The following TSNARE1 variants were observed in gnomAD, a reference collection of about 807,000 sequenced individuals.
TSNARE1 encodes the protein t-SNARE domain containing 1.
Under a neutral mutation model 62.0 loss-of-function variants are expected in TSNARE1, and 49 were observed. That is an observed-to-expected ratio of 0.79 (90% CI 0.63 to 1.00). TSNARE1 has a LOEUF of 1.00. Among genes scored for constraint, TSNARE1 ranks in the 50% least tolerant of loss-of-function variants. The pLI is 0.00. For synonymous variants in TSNARE1, 328 were observed against 294.4 expected, an observed-to-expected ratio of 1.11 and a Z score of -1.17; for missense variants, 755 against 700.1, an observed-to-expected ratio of 1.08 and a Z score of -0.88.
chr8:142,229,396 T>C lies in TSNARE1; in HGVS notation c.*11+77A>G, dbSNP rs879082641. ...GATGGATGGATGGTGGATGGTTAGA[T>C]GGATGGTGGATAGGTGAATGAATGG... On this transcript the variant is annotated intron_variant, in intron 13 of 13. Transcript: ENST00000524325. The C allele has an allele frequency of 6.0e-6, 7 of 1,172,514 alleles. No homozygotes were observed. In the South Asian group the frequency reaches 8.7e-5, roughly 15 times the overall value. 72.6% of individuals were successfully genotyped at this position (1,172,514 alleles called of 1,614,324 possible).
At position 142,222,707 on chromosome 8, in the gene TSNARE1, C is replaced by CTCACTCATCCACTCACTCACTCAT. The variant is rs1563755856; in HGVS notation, c.*11+6742_*11+6765dup. On this transcript the variant is annotated intron_variant, in intron 13 of 13. Coordinates refer to ENST00000524325, the MANE Select transcript of TSNARE1 (RefSeq NM_145003.5). ...ATCCACTCACTCACTCATCCACTCA[C>CTCACTCATCCACTCACTCACTCAT]TCACTCATCCACTCACTCACTCATC... Among the ~76,000 whole-genome samples the CTCACTCATCCACTCACTCACTCAT allele has an allele frequency of 7.1e-4, 48 of 67,902 alleles. 2 individuals carry two copies. Among genetic ancestry groups the CTCACTCATCCACTCACTCACTCAT allele is most frequent in the East Asian group, 1.5e-3 (5 of 3,344 alleles). The allele number at this position is 67,902 out of a possible 152,430, so 44.5% of individuals were successfully genotyped here.
At chr8:142,349,998 C>A (rs570268049) in intron 2 of TSNARE1, among the ~76,000 whole-genome samples, 2 of 145,212 alleles carry the variant, frequency 1.4e-5, no homozygotes, top group African/African-American at 5.2e-5. Flanking sequence ...CCAGGGCAGG[C>A]AGGGCGGGCA....
intron 11 of TSNARE1, chr8:142,275,496 G>A (rs1052576870): frequency 2.0e-5 from 20 of 985,310 alleles, no homozygotes; most frequent in Non-Finnish European, 2.0e-5. Context: ...GACCAGGGCC[G>A]GGGCAGCCCC....
chr8:142,399,316 C>A (rs573444570), intron 1 of TSNARE1, among the ~76,000 whole-genome samples: 1 of 152,342 alleles, frequency 6.6e-6, no homozygotes, highest in Admixed American at 6.5e-5. Context: ...ACGTCTTCAG[C>A]AAATCCCCAT....
chr8:142,274,361 G>A, intron 12 of TSNARE1: 8 of 985,432 alleles, frequency 8.1e-6, no homozygotes, highest in Non-Finnish European at 9.6e-6. Context: ...AAAGGCCTGA[G>A]CTTTCTTGTT....
intron 1 of TSNARE1, among the ~76,000 whole-genome samples, chr8:142,380,518 C>T (rs1198683306): frequency 6.6e-6 from 1 of 151,922 alleles, no homozygotes; most frequent in African/African-American, 2.4e-5. Flanking sequence ...ACCCCGCCCC[C>T]ACCCCTGCAC....
At chr8:142,398,748 G>T (rs535450314) in intron 1 of TSNARE1, among the ~76,000 whole-genome samples, 1 of 152,200 alleles carries the variant, frequency 6.6e-6, no homozygotes, top group African/African-American at 2.4e-5. Flanking sequence ...TGATGGCAGG[G>T]GCAGGGGCTG....
intron 4 of TSNARE1, among the ~76,000 whole-genome samples, chr8:142,339,865 G>A (rs772592911): frequency 1.3e-5 from 2 of 152,240 alleles, no homozygotes; most frequent in Non-Finnish European, 2.9e-5. Flanking sequence ...TCTGCAACCA[G>A]CCCTCCTCTG....
chr8:142,339,328 T>C (rs1832207316), intron 4 of TSNARE1, among the ~76,000 whole-genome samples: 1 of 151,760 alleles, frequency 6.6e-6, no homozygotes, highest in African/African-American at 2.4e-5. Context: ...AGCTACGTGA[T>C]GTGTGACGGC....
At position 142,275,474 on chromosome 8, in the gene TSNARE1, C is replaced by A. The variant is rs925488664; in HGVS notation, c.1364-611G>T. The stretch of plus-strand genomic sequence containing the variant: ...AGGGAAGCCACATCAGCAGGGCCCA[C>A]GGGAGACACCAGACCAGGGCCGGGG... On this transcript the variant is annotated intron_variant, in intron 11 of 13. Coordinates refer to ENST00000524325, the MANE Select transcript of TSNARE1 (RefSeq NM_145003.5). 4 of 985,256 alleles carry A rather than the reference C, an allele frequency of 4.1e-6. No individual in the cohort carries two copies. In the East Asian group the frequency reaches 3.4e-4, roughly 84 times the overall value. 61.0% of individuals were successfully genotyped at this position (985,256 alleles called of 1,614,324 possible). A position where few individuals can be genotyped will look rare whatever the true frequency, so the allele number is the denominator to read the frequency against.
chr8:142,405,458 C>G (rs544219250), upstream of TSNARE1: 1 of 152,230 alleles, frequency 6.6e-6, no homozygotes, highest in South Asian at 2.1e-4. Context: ...TGGGGGTTGC[C>G]TGGTCCTCAG....
chr8:142,353,108 C>T (rs527981446), intron 2 of TSNARE1, among the ~76,000 whole-genome samples: 20 of 152,246 alleles, frequency 1.3e-4, no homozygotes, highest in African/African-American at 4.3e-4. Flanking sequence ...CCGGGGCTGC[C>T]TTCTCCAGGG....
At chr8:142,353,416 G>A (rs192717839) in intron 2 of TSNARE1, among the ~76,000 whole-genome samples, 5 of 152,280 alleles carry the variant, frequency 3.3e-5, no homozygotes, top group East Asian at 1.9e-4. Context: ...AGGCCAGCCC[G>A]GCACTCCCAG....
intron 12 of TSNARE1, among the ~76,000 whole-genome samples, chr8:142,243,355 T>C (rs1445849004): frequency 1.3e-5 from 2 of 152,156 alleles, no homozygotes; most frequent in Non-Finnish European, 2.9e-5. Context: ...TCGGCCTAAG[T>C]GTCCCCCCAA....
chr8:142,341,032 A>AG (rs1563947053), intron 4 of TSNARE1, among the ~76,000 whole-genome samples: 1 of 152,220 alleles, frequency 6.6e-6, no homozygotes, highest in Non-Finnish European at 1.5e-5. Flanking sequence ...ATGCCCCTCA[A>AG]GGCCCTAACT....
At chr8:142,278,556 G>C in intron 11 of TSNARE1, 1 of 985,330 alleles carries the variant, frequency 1.0e-6, no homozygotes, top group Non-Finnish European at 1.2e-6. Flanking sequence ...GGTGTCTTGA[G>C]GAGGAGAGGA....
chr8:142,384,465 G>T (rs1836976509), intron 1 of TSNARE1, among the ~76,000 whole-genome samples: 1 of 152,118 alleles, frequency 6.6e-6, no homozygotes, highest in Non-Finnish European at 1.5e-5. Flanking sequence ...AGTATGGTAG[G>T]GCATGAAATC....
At chr8:142,305,781 A>C (rs921017916) in intron 9 of TSNARE1, among the ~76,000 whole-genome samples, 2 of 152,236 alleles carry the variant, frequency 1.3e-5, no homozygotes, top group Non-Finnish European at 2.9e-5. Flanking sequence ...ATAGTTTTCC[A>C]GCTCAAGAGG....
chr8:142,370,922 A>G (rs1301938207), intron 1 of TSNARE1, among the ~76,000 whole-genome samples: 4 of 152,170 alleles, frequency 2.6e-5, no homozygotes. Context: ...AGAGAAAAAA[A>G]GCTGCTGACC....
Sources: allele counts gnomAD v4.1 joint callset (sites outside exome capture counted in the v4.1 genomes callset), GRCh38; gene constraint gnomAD v4.1.1; transcripts MANE v1.5; gene names NCBI Gene and HGNC (gene_info 2026-07-23, HGNC 2026-07-21).